Variants in AGFG1 observed in about 807,000 individuals in gnomAD.
The protein encoded by AGFG1 is ArfGAP with FG repeats 1.
Under a neutral mutation model 60.6 loss-of-function variants are expected in AGFG1, and 10 were observed. The observed-to-expected ratio is 0.16, with a 90% CI of 0.10 to 0.28. AGFG1 has a LOEUF of 0.28. Ranked by LOEUF, AGFG1 falls within the 10% of genes least tolerant of loss-of-function variation. The pLI is 1.00. For missense variants in AGFG1, 537 were observed against 676.5 expected (o/e 0.79, Z 2.29); for synonymous variants, 247 against 242.9 (o/e 1.02, Z -0.16).
intron 1 of AGFG1, among the ~76,000 whole-genome samples, chr2:227,475,857 T>C: frequency 6.6e-6 from 1 of 152,230 alleles, no homozygotes; most frequent in East Asian, 1.9e-4. Flanking sequence ...GCACTGGAGT[T>C]ACAAATATTG....
At chr2:227,543,397 T>C (rs1692550833) in intron 10 of AGFG1, among the ~76,000 whole-genome samples, 1 of 152,252 alleles carries the variant, frequency 6.6e-6, no homozygotes, top group South Asian at 2.1e-4. Context: ...TATTTCTGCC[T>C]TCATTTCATT....
intron 1 of AGFG1, among the ~76,000 whole-genome samples, chr2:227,483,183 A>C (rs1311545535): frequency 6.6e-6 from 1 of 152,130 alleles, no homozygotes; most frequent in African/African-American, 2.4e-5. Context: ...TTTAGCAAAA[A>C]AGGGAAGTGA....
At chr2:227,551,212 C>T (rs1322834707) in intron 10 of AGFG1, among the ~76,000 whole-genome samples, 1 of 152,192 alleles carries the variant, frequency 6.6e-6, no homozygotes, top group African/African-American at 2.4e-5. Context: ...ATGCTTATTT[C>T]ACTTCTAATC....
chr2:227,523,683 A>G lies in AGFG1; in HGVS notation c.378-80A>G, dbSNP rs1691890507. 15 of 1,344,136 alleles carry G rather than the reference A, an allele frequency of 1.1e-5. No homozygotes were observed. The South Asian group carries it at 1.8e-4, about 16-fold the overall frequency. 83.3% of individuals were successfully genotyped at this position (1,344,136 alleles called of 1,614,324 possible). A position where few individuals can be genotyped will look rare whatever the true frequency, so the allele number is the denominator to read the frequency against. The stretch of plus-strand genomic sequence containing the variant: ...ATTAATGGTGAAACAATCTTGTACA[A>G]AGTTAGAATTAAGCTTATCATTTTT... On this transcript the variant is annotated intron_variant, in intron 3 of 12. Coordinates refer to ENST00000310078, the MANE Select transcript of AGFG1 (RefSeq NM_004504.5).
chr2:227,534,827 G>A lies in AGFG1; in HGVS notation c.1025-18G>A, dbSNP rs150399230. 2.1e-4 allele frequency: 344 copies of A among 1,606,040 alleles called. 2 individuals are homozygous for A. In the East Asian group the frequency reaches 7.6e-3, roughly 35 times the overall value. ...TAACTTTAAATTTTTGGTGTAACTT[G>A]ATTTTGTTCGTTCCCAGGTGGTGAT... On this transcript the variant is annotated intron_variant, in intron 7 of 12. Transcript: ENST00000310078.
At chr2:227,508,339 T>A (rs184911438) in intron 2 of AGFG1, 101 of 220,018 alleles carry the variant, frequency 4.6e-4, no homozygotes, top group African/African-American at 2.1e-3. Flanking sequence ...ATTGATGATA[T>A]CCTTAAACCA....
intron 12 of AGFG1, 25 bp downstream of exon 12, chr2:227,553,820 C>T (rs1293803637): frequency 6.6e-7 from 1 of 1,510,288 alleles, no homozygotes; most frequent in East Asian, 2.3e-5. Context: ...AAATTAAATA[C>T]TTTATAAGTT....
intron 10 of AGFG1, among the ~76,000 whole-genome samples, chr2:227,538,632 A>G (rs1692383363): frequency 6.6e-6 from 1 of 152,218 alleles, no homozygotes; most frequent in Non-Finnish European, 1.5e-5. Context: ...GTAAAATTAG[A>G]TGATGCACAT....
intron 12 of AGFG1, 32 bp downstream of exon 12, chr2:227,553,827 A>C (rs1276725362): frequency 6.7e-7 from 1 of 1,488,516 alleles, no homozygotes; most frequent in Non-Finnish European, 9.3e-7. Flanking sequence ...ATACTTTATA[A>C]GTTGTTAAAT....
chr2:227,497,735 G>GGTTTT (rs1691023181), intron 2 of AGFG1, among the ~76,000 whole-genome samples: 2 of 28,016 alleles, frequency 7.1e-5, no homozygotes, highest in Admixed American at 4.2e-4. Context: ...TTCTTGTTTT[G>GGTTTT]TTTTTTTTTT....
intron 6 of AGFG1, 30 bp downstream of exon 6, chr2:227,531,240 G>GT (rs762683615): frequency 6.3e-7 from 1 of 1,595,064 alleles, no homozygotes; most frequent in Non-Finnish European, 8.5e-7. Context: ...GTGCTTAAAT[G>GT]TTTACTTTAC....
At chr2:227,539,716 G>C (rs1479216600) in intron 10 of AGFG1, among the ~76,000 whole-genome samples, 1 of 123,846 alleles carries the variant, frequency 8.1e-6, no homozygotes, top group Non-Finnish European at 1.6e-5. Context: ...CCACACTTCA[G>C]CCTAGCTGAC....
chr2:227,477,154 G>A (rs1690308162), intron 1 of AGFG1, among the ~76,000 whole-genome samples: 1 of 152,064 alleles, frequency 6.6e-6, no homozygotes, highest in Non-Finnish European at 1.5e-5. Context: ...CACCGCCTTG[G>A]CCTCTCAAAG....
intron 2 of AGFG1, among the ~76,000 whole-genome samples, chr2:227,510,071 A>G (rs10933190): frequency 0.6 from 91,316 of 152,008 alleles, 27,490 homozygotes; most frequent in South Asian, 0.7. Flanking sequence ...TGAAACTACT[A>G]TGACTTCACT....
intron 2 of AGFG1, among the ~76,000 whole-genome samples, chr2:227,503,451 A>C (rs528704551): frequency 6.6e-6 from 1 of 152,172 alleles, no homozygotes; most frequent in Non-Finnish European, 1.5e-5. Flanking sequence ...GGGTTGACCA[A>C]CTAAAGCCTG....
rs1036955575 is a variant in AGFG1 at position 227,556,056 on chromosome 2, C to T, written c.*1561C>T. 2.0e-5 allele frequency: 3 copies of T among 152,216 alleles called. No individual in the cohort carries two copies. The highest frequency in any genetic ancestry group is 7.2e-5 in the African/African-American group (3 of 41,468). The allele number at this position is 152,216 out of a possible 1,614,324, so 9.4% of individuals were successfully genotyped here. A position where few individuals can be genotyped will look rare whatever the true frequency, so the allele number is the denominator to read the frequency against. On this transcript the variant is annotated 3_prime_UTR_variant, in exon 13 of 13. Coordinates refer to ENST00000310078, the MANE Select transcript of AGFG1 (RefSeq NM_004504.5). ...CAGCCTAGAGGACATCACTATACTACATCATCTGATGATTATTCTTTATTA... is the reference window on the plus strand; with the variant it reads ...CAGCCTAGAGGACATCACTATACTATATCATCTGATGATTATTCTTTATTA...
intron 5 of AGFG1, among the ~76,000 whole-genome samples, chr2:227,530,603 G>A (rs541317671): frequency 2.6e-5 from 4 of 151,870 alleles, no homozygotes; most frequent in Non-Finnish European, 5.9e-5. Context: ...TGACCATGGT[G>A]AGACATTTGT....
chr2:227,492,767 G>C (rs1690856999), intron 2 of AGFG1, among the ~76,000 whole-genome samples: 1 of 152,064 alleles, frequency 6.6e-6, no homozygotes. Flanking sequence ...TCAGATTCCA[G>C]ACTAATGTGA....
chr2:227,552,188 T>C, intron 11 of AGFG1, 71 bp downstream of exon 11: 6 of 1,559,870 alleles, frequency 3.8e-6, no homozygotes, highest in Non-Finnish European at 4.4e-6. Context: ...GTTGTGTGCT[T>C]GGGCAGGAAG....
Sources: allele counts gnomAD v4.1 joint callset (sites outside exome capture counted in the v4.1 genomes callset), GRCh38; gene constraint gnomAD v4.1.1; transcripts MANE v1.5; gene names NCBI Gene and HGNC (gene_info 2026-07-23, HGNC 2026-07-21).